Variants in ST6GALNAC5 observed in about 807,000 individuals in gnomAD.
ST6GALNAC5 encodes alpha-N-acetylgalactosaminide alpha-2,6-sialyltransferase 5.
A neutral mutation model predicts 33.6 loss-of-function variants in ST6GALNAC5; 27 were observed. The ratio of observed to expected loss-of-function variants is 0.80; its 90% CI spans 0.59 to 1.11. The LOEUF (loss-of-function observed/expected upper bound fraction) is 1.11, where lower values mean the gene tolerates loss of function less well. ST6GALNAC5 is among the 50% of genes least tolerant of loss of function. The pLI is 0.00. For missense variants in ST6GALNAC5, 428 were observed against 454.0 expected, an observed-to-expected ratio of 0.94 and a Z score of 0.52; for synonymous variants, 194 against 171.2, an observed-to-expected ratio of 1.13 and a Z score of -1.04.
At chr1:76,908,788 C>T (rs184142205) in intron 2 of ST6GALNAC5, among the ~76,000 whole-genome samples, 2 of 152,068 alleles carry the variant, frequency 1.3e-5, no homozygotes, top group South Asian at 2.1e-4. Context: ...CAAAGCCTGC[C>T]GCATTACCTG....
At chr1:76,886,837 A>G (rs1322190800) in intron 2 of ST6GALNAC5, among the ~76,000 whole-genome samples, 1 of 152,180 alleles carries the variant, frequency 6.6e-6, no homozygotes, top group South Asian at 2.1e-4. Context: ...TTTATTTAGC[A>G]TAATGTTTTT....
At chr1:76,979,325 C>T (rs1229391937) in intron 2 of ST6GALNAC5, among the ~76,000 whole-genome samples, 1 of 151,292 alleles carries the variant, frequency 6.6e-6, no homozygotes, top group Non-Finnish European at 1.5e-5. Context: ...CAATCTGGAG[C>T]AAAAAAATAA....
chr1:77,009,479 G>A (rs1241064727), intron 2 of ST6GALNAC5, among the ~76,000 whole-genome samples: 1 of 152,130 alleles, frequency 6.6e-6, no homozygotes, highest in Non-Finnish European at 1.5e-5. Flanking sequence ...TGGTGTTGGG[G>A]AGAGCACAGA....
intron 2 of ST6GALNAC5, among the ~76,000 whole-genome samples, chr1:76,912,069 T>C (rs985581865): frequency 6.6e-6 from 1 of 152,146 alleles, no homozygotes. Flanking sequence ...GTTAGTGCTA[T>C]AAATTTCCCT....
intron 2 of ST6GALNAC5, among the ~76,000 whole-genome samples, chr1:76,997,750 A>G (rs1217038505): frequency 6.6e-6 from 1 of 152,188 alleles, no homozygotes; most frequent in East Asian, 1.9e-4. Flanking sequence ...TGTAATCTCA[A>G]TGCTTTGAGA....
intron 2 of ST6GALNAC5, among the ~76,000 whole-genome samples, chr1:76,986,393 G>A (rs1292985603): frequency 6.6e-6 from 1 of 152,172 alleles, no homozygotes; most frequent in Non-Finnish European, 1.5e-5. Context: ...CATCTATGCA[G>A]CCAACAGACA....
At position 77,044,700 on chromosome 1, in the gene ST6GALNAC5, G is replaced by A. The variant is rs1651951443; in HGVS notation, c.671+87G>A. 6 of 1,476,768 alleles carry A rather than the reference G, an allele frequency of 4.1e-6. No homozygotes were observed. In the South Asian group the frequency reaches 7.0e-5, roughly 17 times the overall value. The allele number at this position is 1,476,768 out of a possible 1,614,324, so 91.5% of individuals were successfully genotyped here. On this transcript the variant is annotated intron_variant, in intron 3 of 4. Transcript: ENST00000477717. ...CACCCAAAGCAAAGCTTTTGCTACA[G>A]GCTTTTGTTGTGGGCTCCACTGCTC...
At position 77,031,520 on chromosome 1, in the gene ST6GALNAC5, C is replaced by T. The variant is rs144682107; in HGVS notation, c.262-12684C>T. On this transcript the variant is annotated intron_variant, in intron 2 of 4. Coordinates refer to ENST00000477717, the MANE Select transcript of ST6GALNAC5 (RefSeq NM_030965.3). Reference sequence around the variant, plus strand: ...CAAATGATGACTCATTCTGGAACCTCCCTTATACTTAGATAATAAAACAAA... The same window carrying T: ...CAAATGATGACTCATTCTGGAACCTTCCTTATACTTAGATAATAAAACAAA... Among the ~76,000 whole-genome samples the T allele has an allele frequency of 9.9e-4, 151 of 152,244 alleles. 2 individuals carry two copies. The highest frequency in any genetic ancestry group is 4.2e-3 in the Admixed American group (65 of 15,304).
chr1:76,888,042 G>T (rs749425312), intron 2 of ST6GALNAC5, among the ~76,000 whole-genome samples: 3 of 152,114 alleles, frequency 2.0e-5, no homozygotes, highest in African/African-American at 7.2e-5. Flanking sequence ...AGGATTTAGG[G>T]CAAGGAAATG....
intron 2 of ST6GALNAC5, among the ~76,000 whole-genome samples, chr1:77,034,845 TGA>T (rs1222369297): frequency 6.6e-6 from 1 of 152,220 alleles, no homozygotes; most frequent in Non-Finnish European, 1.5e-5. Flanking sequence ...TCCTTTTCGG[TGA>T]GTACCCAGTG....
intron 2 of ST6GALNAC5, among the ~76,000 whole-genome samples, chr1:76,946,652 A>G (rs1205629203): frequency 6.6e-6 from 1 of 152,130 alleles, no homozygotes; most frequent in Non-Finnish European, 1.5e-5. Context: ...AGCAGTCCAG[A>G]GTGGTCTGTA....
intron 2 of ST6GALNAC5, among the ~76,000 whole-genome samples, chr1:77,016,605 G>A (rs1469962425): frequency 6.6e-6 from 1 of 151,892 alleles, no homozygotes; most frequent in Admixed American, 6.6e-5. Flanking sequence ...GATGGAGCTG[G>A]GATTTAAGGC....
intron 2 of ST6GALNAC5, among the ~76,000 whole-genome samples, chr1:77,036,273 A>G (rs2100453726): frequency 6.6e-6 from 1 of 152,340 alleles, no homozygotes; most frequent in Admixed American, 6.5e-5. Flanking sequence ...TGGAAGGGAC[A>G]GTGACTATAA....
rs574227954 is a variant in ST6GALNAC5, at chr1:76,913,652, G to A, written c.261+44910G>A. ...CTTTTTTCTCTAAACTTCCCTTCTCGCTTCATTTCATTCATTTCATCTTCC... is the reference window on the plus strand; with the variant it reads ...CTTTTTTCTCTAAACTTCCCTTCTCACTTCATTTCATTCATTTCATCTTCC... On this transcript the variant is annotated intron_variant, in intron 2 of 4. Coordinates refer to ENST00000477717, the MANE Select transcript of ST6GALNAC5 (RefSeq NM_030965.3). Among the ~76,000 whole-genome samples, 1,012 of 151,924 alleles carry A rather than the reference G, an allele frequency of 6.7e-3. 11 individuals carry two copies. The highest frequency in any genetic ancestry group is 0.02 in the Middle Eastern group (6 of 294).
At chr1:77,010,648 T>C (rs1330519810) in intron 2 of ST6GALNAC5, among the ~76,000 whole-genome samples, 1 of 152,128 alleles carries the variant, frequency 6.6e-6, no homozygotes, top group Admixed American at 6.5e-5. Context: ...TCTAAATCTG[T>C]GGCACAGGTT....
chr1:76,891,082 C>T (rs1654002809), intron 2 of ST6GALNAC5, among the ~76,000 whole-genome samples: 1 of 152,146 alleles, frequency 6.6e-6, no homozygotes, highest in Non-Finnish European at 1.5e-5. Flanking sequence ...CATGTTTTCA[C>T]TTCTCTTGGG....
At chr1:77,010,496 AAAAAATAAAAAT>A (rs991474643) in intron 2 of ST6GALNAC5, among the ~76,000 whole-genome samples, 24 of 152,234 alleles carry the variant, frequency 1.6e-4, no homozygotes, top group Non-Finnish European at 3.1e-4. Flanking sequence ...CTCTGTCTCA[AAAAAATAAAAAT>A]AAAAATAAAA....
At chr1:76,947,340 A>G (rs948069140) in intron 2 of ST6GALNAC5, among the ~76,000 whole-genome samples, 2 of 152,146 alleles carry the variant, frequency 1.3e-5, no homozygotes, top group Non-Finnish European at 2.9e-5. Context: ...GATGATAATT[A>G]TTTAAAAATG....
intron 2 of ST6GALNAC5, among the ~76,000 whole-genome samples, chr1:76,921,005 T>C (rs906971119): frequency 6.6e-6 from 1 of 152,196 alleles, no homozygotes. Flanking sequence ...GCAGAGAATG[T>C]AGACTACCTG....
Sources: gnomAD v4.1 joint callset for allele counts (sites outside exome capture counted in the v4.1 genomes callset) on GRCh38, gnomAD v4.1.1 for gene constraint, MANE v1.5 for transcripts, NCBI Gene and HGNC (gene_info 2026-07-23, HGNC 2026-07-21) for gene names.